FBXL8: variants seen among roughly 807,000 people sequenced by gnomAD.
FBXL8 encodes the protein F-box/LRR-repeat protein 8.
A neutral mutation model predicts 8.2 loss-of-function variants in FBXL8; 13 were observed. The ratio of observed to expected loss-of-function variants is 1.58; its 90% confidence interval spans 1.03 to 2.51. The LOEUF (loss-of-function observed/expected upper bound fraction) is 2.51, where lower values mean the gene tolerates loss of function less well. Ranked by LOEUF, FBXL8 falls within the 30% of genes most tolerant of loss-of-function variation. FBXL8 has a pLI of 0.00. For synonymous variants in FBXL8, 271 were observed against 260.5 expected, an observed-to-expected ratio of 1.04 and a Z score of -0.39; for missense variants, 565 against 540.4, an observed-to-expected ratio of 1.05 and a Z score of -0.45.
rs768753697 is a variant in FBXL8 at position 67,161,870 on chromosome 16, G to GA, written c.85_86insA (p.Ala29AspfsTer27). On this transcript the variant is annotated frameshift_variant, in exon 2 of 3. Coordinates refer to ENST00000258200, the MANE Select transcript of FBXL8 (RefSeq NM_018378.3). LOFTEE classifies it high-confidence loss of function. The stretch of plus-strand genomic sequence containing the variant: ...GTCCCTGAGAGACCGTGCTGCCGCC[G>GA]CCAGGGTCTGCAGGGCCTGGGCCGC... The GA allele has an allele frequency of 6.2e-7, 1 of 1,610,372 alleles. No individual in the cohort carries two copies.
In FBXL8 at chr16:67,163,276, G is replaced by A; in HGVS notation, c.581G>A (p.Arg194His). Residue 194 changes from arginine to histidine, a missense_variant, in exon 3 of 3, where the codon CGC (arginine) becomes CAC (histidine). Arg to His is a conservative substitution (Grantham distance 29). Coordinates refer to ENST00000258200, the MANE Select transcript of FBXL8 (RefSeq NM_018378.3). ...LELLEACPRLRALGLHLASLS... is the reference protein window; with the variant it reads ...LELLEACPRLHALGLHLASLS... ...CTACTGGAGGCCTGCCCGCGCCTGC[G>A]CGCTCTCGGCCTGCACCTAGCCAGT... 3.2e-6 allele frequency: 5 copies of A among 1,571,240 alleles called. No homozygotes were observed. The highest frequency in any genetic ancestry group is 4.3e-6 in the Non-Finnish European group (5 of 1,159,710).
chr16:67,163,852 C>T lies in FBXL8; in HGVS notation c.*32C>T, dbSNP rs376436717. The T allele has an allele frequency of 6.6e-6, 10 of 1,513,784 alleles. No homozygotes were observed. In the South Asian group the frequency reaches 1.1e-4, roughly 17 times the overall value. The allele number at this position is 1,513,784 out of a possible 1,614,324, so 93.8% of individuals were successfully genotyped here. A position where few individuals can be genotyped will look rare whatever the true frequency, so the allele number is the denominator to read the frequency against. On this transcript the variant is annotated 3_prime_UTR_variant, in exon 3 of 3. Transcript: ENST00000258200. ...GACTTCTCTCCCCCGTCCCCGTGGACGTAAGCGCTCTGAGAGGGAACGGGG... is the reference window on the plus strand; with the variant it reads ...GACTTCTCTCCCCCGTCCCCGTGGATGTAAGCGCTCTGAGAGGGAACGGGG...
In FBXL8 at chr16:67,163,203, G is replaced by C; in HGVS notation, c.508G>C (p.Asp170His). The change falls in exon 3 of 3, where the codon GAC becomes CAC. Residue 170 changes from aspartate to histidine, a missense_variant. Transcript: ENST00000258200. ...TCCCGAGCTCCACAGCCTTTTTCTG[G>C]ACAACAGTACCCTAGTGGGCAGCGT... Reference protein sequence around the residue: ...SCPELHSLFLDNSTLVGSVGP... With the variant: ...SCPELHSLFLHNSTLVGSVGP... 6.4e-7 allele frequency: 1 copy of C among 1,565,820 alleles called. No individual in the cohort carries two copies. Among genetic ancestry groups the C allele is most frequent in the Non-Finnish European group, 8.6e-7 (1 of 1,156,460 alleles).
Position 67,163,334 on chromosome 16 carries a change from G to T in FBXL8, c.639G>T (p.Ala213=). The T allele has an allele frequency of 6.4e-7, 1 of 1,565,726 alleles. No homozygotes were observed. ...ACGCCATCCTCGAAGCACTGGCGGC[G>T]CCAGACCGAGCGCCTTTCGCGCTCT... The part of the protein sequence containing the change: ...LSHAILEALA[A]PDRAPFALLA... The change falls in exon 3 of 3, where the codon GCG becomes GCT. Residue 213 remains alanine, a synonymous_variant. Coordinates refer to ENST00000258200, the MANE Select transcript of FBXL8 (RefSeq NM_018378.3).
At position 67,163,603 on chromosome 16, in the gene FBXL8, TGTGCGCGCTCGAG is replaced by T. The variant is rs752265284; in HGVS notation, c.917_929del (p.Leu306GlnfsTer7). On this transcript the variant is annotated frameshift_variant, in exon 3 of 3. Coordinates refer to ENST00000258200, the MANE Select transcript of FBXL8 (RefSeq NM_018378.3). LOFTEE classifies it high-confidence loss of function. ...GCAGCACACCACTACGCCGCAACCC[TGTGCGCGCTCGAG>T]GTGCGCGCAGCCGCTTCGGCCGAGC... The T allele has an allele frequency of 1.3e-6, 2 of 1,572,558 alleles. No individual in the cohort carries two copies. Among genetic ancestry groups the T allele is most frequent in the South Asian group, 1.1e-5 (1 of 87,770 alleles).
At chr16:67,162,156 C>G (rs2030935085) in intron 2 of FBXL8, 8 of 482,854 alleles carry the variant, frequency 1.7e-5, no homozygotes, top group Non-Finnish European at 2.8e-5. Context: ...ATGCTGAAAC[C>G]CCGTCTCTAC....
chr16:67,164,117 G>A lies in FBXL8; in HGVS notation c.*297G>A. ...CGCGGCCCCGGCGCAGGGAGAGGGA[G>A]GGCACGGGCGCGGGCCGGGCCTCAA... On this transcript the variant is annotated 3_prime_UTR_variant, in exon 3 of 3. Coordinates refer to ENST00000258200, the MANE Select transcript of FBXL8 (RefSeq NM_018378.3). 1.5e-6 allele frequency: 1 copy of A among 670,818 alleles called. No homozygotes were observed. Among genetic ancestry groups the A allele is most frequent in the Non-Finnish European group, 2.7e-6 (1 of 367,142 alleles). The allele number at this position is 670,818 out of a possible 1,614,324, so 41.6% of individuals were successfully genotyped here. A position where few individuals can be genotyped will look rare whatever the true frequency, so the allele number is the denominator to read the frequency against.
Position 67,163,185 on chromosome 16 carries a change from C to T in FBXL8, c.490C>T (p.Leu164Phe). The change falls in exon 3 of 3, where the codon CTC (leucine) becomes TTC (phenylalanine). Residue 164 changes from leucine to phenylalanine, a missense_variant. Physicochemically the swap from Leu to Phe is conservative, Grantham distance 22. Transcript: ENST00000258200. ...GCAGGCGGCGCGCAGCTGTCCCGAG[C>T]TCCACAGCCTTTTTCTGGACAACAG... The part of the protein sequence containing the change: ...VLQAARSCPE[L>F]HSLFLDNSTL... 6.4e-7 allele frequency: 1 copy of T among 1,563,062 alleles called. No homozygotes were observed. The highest frequency in any genetic ancestry group is 1.4e-5 in the African/African-American group (1 of 73,770).
Position 67,162,851 on chromosome 16 carries a change from C to A in FBXL8, c.156C>A (p.Cys52Ter). Residue 52 changes from cysteine (C) to a stop codon, truncating the protein, a stop_gained, in exon 3 of 3, where the codon TGC becomes TGA. Transcript: ENST00000258200. LOFTEE classifies it low-confidence loss of function (END_TRUNC). The stretch of plus-strand genomic sequence containing the variant: ...TTCTGCACGGCTCTAACCCAAGTTG[C>A]GAATGTGAGCTGGAAGGCATGCTGC... ...SAVWHDTKIS[C>*]ECELEGMLPP... 1 of 1,551,082 alleles carries A rather than the reference C, an allele frequency of 6.4e-7. No homozygotes were observed. Among genetic ancestry groups the A allele is most frequent in the Non-Finnish European group, 8.7e-7 (1 of 1,146,972 alleles).
chr16:67,163,067 G>A lies in FBXL8; in HGVS notation c.372G>A (p.Leu124=), dbSNP rs2030978563. ...KPLFDAGRDV[L]EAVHAVCGAA... is the part of the protein sequence containing the mutation. The stretch of plus-strand genomic sequence containing the variant: ...TCTTCGACGCGGGCCGCGACGTCCT[G>A]GAGGCTGTGCACGCTGTATGCGGGG... The change falls in exon 3 of 3, where the codon CTG becomes CTA. Residue 124 remains leucine, a synonymous_variant. Coordinates refer to ENST00000258200, the MANE Select transcript of FBXL8 (RefSeq NM_018378.3). 1.9e-6 allele frequency: 3 copies of A among 1,577,328 alleles called. No individual in the cohort carries two copies. The highest frequency in any genetic ancestry group is 2.6e-6 in the Non-Finnish European group (3 of 1,161,390).
intron 2 of FBXL8, 191 bp from the exon 3 acceptor site, chr16:67,162,657 C>T (rs1406345326): frequency 1.3e-6 from 1 of 786,700 alleles, no homozygotes; most frequent in African/African-American, 1.7e-5. Flanking sequence ...TGGCAGACGC[C>T]ACTGAAATCT....
At position 67,163,180 on chromosome 16, in the gene FBXL8, C is replaced by A; in HGVS notation, c.485C>A (p.Pro162His). 1 of 1,562,442 alleles carries A rather than the reference C, an allele frequency of 6.4e-7. No homozygotes were observed. The highest frequency in any genetic ancestry group is 1.9e-5 in the Admixed American group (1 of 53,428). The part of the protein sequence containing the change: ...ALVLQAARSC[P>H]ELHSLFLDNS... ...GTGCTGCAGGCGGCGCGCAGCTGTC[C>A]CGAGCTCCACAGCCTTTTTCTGGAC... Residue 162 changes from proline (P) to histidine (H), a missense_variant, in exon 3 of 3, where the codon CCC (proline) becomes CAC (histidine). Physicochemically the swap from Pro to His is moderately conservative, Grantham distance 77 (BLOSUM62 -2). Transcript: ENST00000258200.
chr16:67,161,962 C>T, intron 2 of FBXL8, 25 bp downstream of exon 2: 2 of 1,575,044 alleles, frequency 1.3e-6, no homozygotes, highest in Non-Finnish European at 1.7e-6. Context: ...CCACACTCCT[C>T]TCCCCACCGC....
chr16:67,161,241 G>A (rs1040128898), intron 1 of FBXL8: 3 of 170,976 alleles, frequency 1.8e-5, no homozygotes, highest in Admixed American at 6.3e-5. Flanking sequence ...AGGAGTTCGA[G>A]GTCAGTCTGG....
In FBXL8 at chr16:67,163,141, T is replaced by G. The variant is rs762682195; in HGVS notation, c.446T>G (p.Leu149Arg). Residue 149 changes from leucine to arginine, a missense_variant, in exon 3 of 3, where the codon CTG (leucine) becomes CGG (arginine). Coordinates refer to ENST00000258200, the MANE Select transcript of FBXL8 (RefSeq NM_018378.3). ...HLDLRRLSFT[L>R]DDALVLQAAR... ...GACCTGCGGCGCTTGTCCTTCACAC[T>G]GGACGACGCGCTGGTGCTGCAGGCG... The G allele has an allele frequency of 1.3e-6, 2 of 1,570,952 alleles. No homozygotes were observed. Among genetic ancestry groups the G allele is most frequent in the Middle Eastern group, 3.3e-4 (2 of 6,024 alleles).
chr16:67,160,318 G>C (rs1297944773), intron 1 of FBXL8: 1 of 152,238 alleles, frequency 6.6e-6, no homozygotes, highest in Non-Finnish European at 1.5e-5. Flanking sequence ...GGAAACACGT[G>C]GCACAAATTC....
At position 67,163,592 on chromosome 16, in the gene FBXL8, C is replaced by G. The variant is rs1445481395; in HGVS notation, c.897C>G (p.Tyr299Ter). The G allele has an allele frequency of 3.8e-6, 6 of 1,576,744 alleles. No homozygotes were observed. Among genetic ancestry groups the G allele is most frequent in the Non-Finnish European group, 4.3e-6 (5 of 1,170,352 alleles). Residue 299 changes from tyrosine (Y) to a stop codon, truncating the protein, a stop_gained, in exon 3 of 3, where the codon TAC becomes TAG. Transcript: ENST00000258200. LOFTEE classifies it high-confidence loss of function. ...CAGTGCGCTTCGCAGCACACCACTA[C>G]GCCGCAACCCTGTGCGCGCTCGAGG... is the stretch of plus-strand genomic sequence containing the variant. ...VGPVRFAAHH[Y>*]AATLCALEVR...
In FBXL8 at chr16:67,163,616, G is replaced by C. The variant is rs751095089; in HGVS notation, c.921G>C (p.Glu307Asp). Residue 307 changes from glutamate to aspartate, a missense_variant, in exon 3 of 3, where the codon GAG (glutamate) becomes GAC (aspartate). By Grantham distance (45) the Glu-to-Asp change is conservative. Coordinates refer to ENST00000258200, the MANE Select transcript of FBXL8 (RefSeq NM_018378.3). ...ACGCCGCAACCCTGTGCGCGCTCGA[G>C]GTGCGCGCAGCCGCTTCGGCCGAGC... Reference protein sequence around the residue: ...HHYAATLCALEVRAAASAELN... With the variant: ...HHYAATLCALDVRAAASAELN... 8.3e-6 allele frequency: 13 copies of C among 1,567,076 alleles called. No homozygotes were observed. The South Asian group carries it at 1.3e-4, about 15-fold the overall frequency.
At chr16:67,160,785 C>T (rs555150073) in intron 1 of FBXL8, among the ~76,000 whole-genome samples, 2 of 152,374 alleles carry the variant, frequency 1.3e-5, no homozygotes, top group African/African-American at 4.8e-5. Flanking sequence ...ACCCATCCCC[C>T]TCTAAAGGCT....
Sources: gnomAD v4.1 joint callset for allele counts (sites outside exome capture counted in the v4.1 genomes callset) on GRCh38, gnomAD v4.1.1 for gene constraint, MANE v1.5 for transcripts, NCBI Gene and HGNC (gene_info 2026-07-23, HGNC 2026-07-21) for gene names.